The following LRRTM3 variants were observed in gnomAD, a reference collection of about 807,000 sequenced individuals.
LRRTM3 encodes the protein leucine rich repeat transmembrane neuronal 3.
LRRTM3 carries 24 observed loss-of-function variants against 44.7 expected under a neutral mutation model. That is an observed-to-expected ratio of 0.54 (90% confidence interval 0.39 to 0.76). The LOEUF (loss-of-function observed/expected upper bound fraction) is 0.76. Among genes scored for constraint, LRRTM3 ranks in the 30% least tolerant of loss-of-function variants. The pLI is 0.00. For synonymous variants in LRRTM3, 277 were observed against 278.7 expected, an observed-to-expected ratio of 0.99 and a Z score of 0.06; for missense variants, 587 against 702.2, an observed-to-expected ratio of 0.84 and a Z score of 1.85.
intron 2 of LRRTM3, among the ~76,000 whole-genome samples, chr10:66,938,620 G>A (rs976975072): frequency 7.2e-5 from 11 of 152,242 alleles, no homozygotes; most frequent in African/African-American, 1.4e-4. Flanking sequence ...GATAATCCAC[G>A]TGTGAGTAGA....
chr10:67,090,003 G>A (rs1189736497), intron 2 of LRRTM3, among the ~76,000 whole-genome samples: 1 of 151,956 alleles, frequency 6.6e-6, no homozygotes, highest in East Asian at 1.9e-4. Flanking sequence ...TCAAACTACA[G>A]ATTAATTCAA....
chr10:66,941,640 G>C (rs1848002236), intron 2 of LRRTM3, among the ~76,000 whole-genome samples: 2 of 152,164 alleles, frequency 1.3e-5, no homozygotes, highest in Admixed American at 1.3e-4. Flanking sequence ...TCAGTCTGCA[G>C]GGCTCATTTG....
At chr10:67,048,106 A>G (rs185461211) in intron 2 of LRRTM3, among the ~76,000 whole-genome samples, 49 of 152,096 alleles carry the variant, frequency 3.2e-4, no homozygotes, top group African/African-American at 1.2e-3. Flanking sequence ...TTTATTTTGT[A>G]AAAAGAAACA....
chr10:67,045,417 T>TTTGTTGTTGTTGTTTG (rs1354309359), intron 2 of LRRTM3, among the ~76,000 whole-genome samples: 1 of 152,140 alleles, frequency 6.6e-6, no homozygotes, highest in Non-Finnish European at 1.5e-5. Flanking sequence ...TGTTGGTTTT[T>TTTGTTGTTGTTGTTTG]TTGTTGTTGT....
chr10:67,017,794 G>A (rs1484752034), intron 2 of LRRTM3, among the ~76,000 whole-genome samples: 1 of 151,812 alleles, frequency 6.6e-6, no homozygotes, highest in Non-Finnish European at 1.5e-5. Context: ...TTTTGAGATG[G>A]AGTCTCACTC....
intron 2 of LRRTM3, among the ~76,000 whole-genome samples, chr10:67,014,447 G>C (rs1852527671): frequency 6.6e-6 from 1 of 152,096 alleles, no homozygotes; most frequent in Non-Finnish European, 1.5e-5. Context: ...GGAATCCCAG[G>C]TGGTGCCTGT....
chr10:67,092,476 C>T (rs1394360246), intron 2 of LRRTM3, among the ~76,000 whole-genome samples: 12 of 151,706 alleles, frequency 7.9e-5, no homozygotes, highest in Non-Finnish European at 1.8e-4. Context: ...CTTTTCTATC[C>T]AACAGAAGAG....
chr10:66,975,790 G>A (rs1478886575), intron 2 of LRRTM3, among the ~76,000 whole-genome samples: 1 of 152,032 alleles, frequency 6.6e-6, no homozygotes, highest in Non-Finnish European at 1.5e-5. Flanking sequence ...CTTTCTGTCT[G>A]TTTTTCTAAG....
At chr10:66,986,438 A>C (rs1850732742) in intron 2 of LRRTM3, among the ~76,000 whole-genome samples, 1 of 152,160 alleles carries the variant, frequency 6.6e-6, no homozygotes, top group Non-Finnish European at 1.5e-5. Flanking sequence ...CAGAGGTTGC[A>C]ATAAGCCAAG....
intron 2 of LRRTM3, among the ~76,000 whole-genome samples, chr10:67,072,661 T>G (rs1015786984): frequency 3.3e-5 from 5 of 152,198 alleles, no homozygotes; most frequent in Non-Finnish European, 7.4e-5. Flanking sequence ...TGACACTCCC[T>G]GGATTTTGAT....
At chr10:67,005,619 G>A (rs978847142) in intron 2 of LRRTM3, among the ~76,000 whole-genome samples, 1 of 144,912 alleles carries the variant, frequency 6.9e-6, no homozygotes, top group African/African-American at 2.5e-5. Context: ...GTCTCAAATC[G>A]CAATTAATCT....
intron 2 of LRRTM3, among the ~76,000 whole-genome samples, chr10:67,006,158 G>C (rs1260425414): frequency 6.6e-6 from 1 of 152,054 alleles, no homozygotes; most frequent in African/African-American, 2.4e-5. Context: ...TTCTTGCAGG[G>C]AAGCTGAGTT....
rs774772603 is a variant in LRRTM3 at position 66,928,060 on chromosome 10, C to G, written c.1144C>G (p.Pro382Ala). Residue 382 changes from proline to alanine, a missense_variant, in exon 2 of 3, where the codon CCC becomes GCC. Pro to Ala is a conservative substitution (Grantham distance 27, BLOSUM62 -1). Around this residue, in one of 3 missense-constraint regions of LRRTM3, gnomAD observed 315 missense variants for 335.6 expected, o/e 0.94. Transcript: ENST00000361320. ...ARALPKPTFK[P>A]KLPRPKHESK... ...GGCTCTCCCAAAGCCGACGTTTAAGCCCAAGCTCCCCAGGCCGAAGCATGA... is the reference window on the plus strand; with the variant it reads ...GGCTCTCCCAAAGCCGACGTTTAAGGCCAAGCTCCCCAGGCCGAAGCATGA... 2 of 1,614,074 alleles carry G rather than the reference C, an allele frequency of 1.2e-6. No individual in the cohort carries two copies. Among genetic ancestry groups the G allele is most frequent in the Non-Finnish European group, 1.7e-6 (2 of 1,180,026 alleles).
intron 2 of LRRTM3, among the ~76,000 whole-genome samples, chr10:67,009,329 T>A (rs1852187252): frequency 6.6e-6 from 1 of 152,130 alleles, no homozygotes; most frequent in South Asian, 2.1e-4. Context: ...TTATGGGATT[T>A]TTTTCAAAGC....
intron 2 of LRRTM3, among the ~76,000 whole-genome samples, chr10:66,969,470 C>T (rs1040903539): frequency 2.6e-5 from 4 of 152,182 alleles, no homozygotes; most frequent in Admixed American, 6.5e-5. Context: ...TTTTAAGCAG[C>T]TTTATCCATA....
At position 67,097,691 on chromosome 10, in the gene LRRTM3, G is replaced by A. The variant is rs544274000; in HGVS notation, c.1641G>A (p.Thr547=). Reference sequence around the variant, plus strand: ...TTCTCTCCCATAAGTCCTTTGAAACGAATGCACAGGAAGATACGATGGAAA... The same window carrying A: ...TTCTCTCCCATAAGTCCTTTGAAACAAATGCACAGGAAGATACGATGGAAA... ...HELLSHKSFE[T]NAQEDTMETH... Residue 547 remains threonine (T), a synonymous_variant, in exon 3 of 3, where the codon ACG becomes ACA. Coordinates refer to ENST00000361320, the MANE Select transcript of LRRTM3 (RefSeq NM_178011.5). 23 of 1,612,506 alleles carry A rather than the reference G, an allele frequency of 1.4e-5. No individual in the cohort carries two copies. The highest frequency in any genetic ancestry group is 5.0e-5 in the Admixed American group (3 of 59,822).
At chr10:67,080,494 AT>A (rs930179588) in intron 2 of LRRTM3, among the ~76,000 whole-genome samples, 13 of 151,764 alleles carry the variant, frequency 8.6e-5, no homozygotes, top group African/African-American at 2.7e-4. Flanking sequence ...CTGACATGAG[AT>A]TTTTTTTTCT....
At chr10:66,939,940 A>G (rs1020720043) in intron 2 of LRRTM3, among the ~76,000 whole-genome samples, 1 of 152,186 alleles carries the variant, frequency 6.6e-6, no homozygotes, top group Non-Finnish European at 1.5e-5. Flanking sequence ...CACTGTGGTC[A>G]CTGCATCATT....
intron 2 of LRRTM3, among the ~76,000 whole-genome samples, chr10:67,094,868 G>A (rs996647923): frequency 2.6e-5 from 4 of 151,426 alleles, no homozygotes; most frequent in African/African-American, 9.7e-5. Context: ...TATATCCATA[G>A]GTATGTATAC....
Sources: gnomAD v4.1 joint callset for allele counts (sites outside exome capture counted in the v4.1 genomes callset) on GRCh38, gnomAD v4.1.1 for gene constraint, gnomAD v4.1.1 regional missense constraint, MANE v1.5 for transcripts, NCBI Gene and HGNC (gene_info 2026-07-23, HGNC 2026-07-21) for gene names.